The following ERC2 variants were observed in gnomAD, a reference collection of about 807,000 sequenced individuals.
ERC2 encodes ELKS/RAB6-interacting/CAST family member 2.
ERC2 carries 42 observed loss-of-function variants against 114.8 expected under a neutral mutation model. That is an observed-to-expected ratio of 0.37 (90% confidence interval 0.29 to 0.47). The LOEUF is 0.47. Ranked by LOEUF, ERC2 falls within the 20% of genes least tolerant of loss-of-function variation. The pLI, the probability that ERC2 is intolerant of heterozygous loss-of-function variation, is 0.99. For synonymous variants in ERC2, 454 were observed against 425.5 expected (o/e 1.07, Z -0.82); for missense variants, 939 against 1,150.7 (o/e 0.82, Z 2.66).
intron 3 of ERC2, among the ~76,000 whole-genome samples, chr3:56,198,730 A>G (rs1359468127): frequency 1.3e-5 from 2 of 152,228 alleles, no homozygotes; most frequent in Admixed American, 6.5e-5. Flanking sequence ...CCCAGTTGGC[A>G]GTGGGAGCGT....
At chr3:55,641,418 C>T (rs771398779) in intron 17 of ERC2, among the ~76,000 whole-genome samples, 35 of 151,788 alleles carry the variant, frequency 2.3e-4, no homozygotes, top group African/African-American at 7.3e-4. Context: ...GGCATGGTGG[C>T]GTGCACCTGT....
intron 12 of ERC2, among the ~76,000 whole-genome samples, chr3:55,967,354 C>A (rs1213467584): frequency 6.6e-6 from 1 of 152,064 alleles, no homozygotes; most frequent in Non-Finnish European, 1.5e-5. Context: ...CATTAAGATT[C>A]AAGATAAAGC....
chr3:56,335,824 C>T (rs1234994540), intron 2 of ERC2, among the ~76,000 whole-genome samples: 3 of 151,976 alleles, frequency 2.0e-5, no homozygotes, highest in Non-Finnish European at 4.4e-5. Flanking sequence ...ATTCACTCAT[C>T]GGCTGAATGA....
intron 5 of ERC2, among the ~76,000 whole-genome samples, chr3:56,142,814 C>CT (rs2080934863): frequency 6.7e-6 from 1 of 149,780 alleles, no homozygotes; most frequent in Admixed American, 6.6e-5. Context: ...GATTTTTCTC[C>CT]TTTTTTTGGT....
At chr3:55,769,890 A>G (rs1290497344) in intron 14 of ERC2, among the ~76,000 whole-genome samples, 4 of 152,300 alleles carry the variant, frequency 2.6e-5, no homozygotes, top group Admixed American at 2.6e-4. Flanking sequence ...GTGGCAGATC[A>G]TGTTGTCATT....
chr3:56,028,764 C>T (rs1251819736), intron 7 of ERC2, among the ~76,000 whole-genome samples: 1 of 151,992 alleles, frequency 6.6e-6, no homozygotes, highest in East Asian at 1.9e-4. Flanking sequence ...TCTATGTGGA[C>T]AACAATGTCA....
intron 15 of ERC2, among the ~76,000 whole-genome samples, chr3:55,713,693 C>G (rs2063917736): frequency 6.6e-6 from 1 of 152,178 alleles, no homozygotes; most frequent in South Asian, 2.1e-4. Flanking sequence ...TAATTAGTTC[C>G]TTGTACATGC....
intron 17 of ERC2, among the ~76,000 whole-genome samples, chr3:55,560,761 G>A (rs2055959079): frequency 6.6e-6 from 1 of 152,174 alleles, no homozygotes; most frequent in Admixed American, 6.5e-5. Context: ...ACAACAAGAG[G>A]TAACTGGATA....
intron 3 of ERC2, among the ~76,000 whole-genome samples, chr3:56,191,378 C>G (rs1389663761): frequency 3.3e-5 from 5 of 152,162 alleles, no homozygotes; most frequent in Admixed American, 2.0e-4. Context: ...ATGCAGCATA[C>G]CCTCTGGCAC....
intron 3 of ERC2, among the ~76,000 whole-genome samples, chr3:56,287,661 A>G (rs1479696320): frequency 6.6e-6 from 1 of 152,208 alleles, no homozygotes; most frequent in Non-Finnish European, 1.5e-5. Context: ...GAAGACCAGA[A>G]TCCTAGTCTG....
rs548188827 is a variant in ERC2, at chr3:55,603,672, C to T, written c.*39+80122G>A. Among the ~76,000 whole-genome samples, 308 of 150,322 alleles carry T rather than the reference C, an allele frequency of 2.0e-3. 3 individuals are homozygous for T. Among genetic ancestry groups the T allele is most frequent in the African/African-American group, 7.1e-3 (291 of 41,038 alleles). On this transcript the variant is annotated intron_variant, in intron 17 of 17. Transcript: ENST00000288221. ...AAAAAAAAAAAAAAAAGCCCTTTGCCTCAAATCCAATTCATTTTTTGAAAC... is the reference window on the plus strand; with the variant it reads ...AAAAAAAAAAAAAAAAGCCCTTTGCTTCAAATCCAATTCATTTTTTGAAAC...
At chr3:56,080,772 A>C (rs958133293) in intron 7 of ERC2, 45 bp downstream of exon 7, 1 of 1,576,318 alleles carries the variant, frequency 6.3e-7, no homozygotes, top group South Asian at 1.2e-5. Context: ...AAAATGACAA[A>C]ACATGGATGA....
chr3:55,712,853 C>T (rs906244784), intron 15 of ERC2, among the ~76,000 whole-genome samples: 9 of 152,152 alleles, frequency 5.9e-5, no homozygotes, highest in African/African-American at 2.2e-4. Flanking sequence ...CCCACTTCTC[C>T]TAGTCCTCTC....
chr3:55,814,762 T>C (rs2149135768), intron 14 of ERC2, among the ~76,000 whole-genome samples: 1 of 152,332 alleles, frequency 6.6e-6, no homozygotes, highest in African/African-American at 2.4e-5. Flanking sequence ...TGAAAGCATT[T>C]TTCCTGACCC....
chr3:56,465,887 G>A (rs1045921772), intron 1 of ERC2, among the ~76,000 whole-genome samples: 4 of 152,364 alleles, frequency 2.6e-5, no homozygotes, highest in African/African-American at 7.2e-5. Flanking sequence ...TTAGCTCTAC[G>A]TATGCTGGGA....
chr3:55,606,044 GC>G (rs1234545161), intron 17 of ERC2, among the ~76,000 whole-genome samples: 1 of 152,234 alleles, frequency 6.6e-6, no homozygotes, highest in African/African-American at 2.4e-5. Flanking sequence ...TAAGGCCAAT[GC>G]CCTATGGTCT....
At chr3:56,410,240 C>T (rs555892716) in intron 2 of ERC2, among the ~76,000 whole-genome samples, 4 of 152,004 alleles carry the variant, frequency 2.6e-5, no homozygotes, top group Admixed American at 2.6e-4. Context: ...AATTTATGTC[C>T]CTGTGATATA....
chr3:55,668,686 C>T (rs903012462), intron 17 of ERC2, among the ~76,000 whole-genome samples: 1 of 152,192 alleles, frequency 6.6e-6, no homozygotes, highest in African/African-American at 2.4e-5. Flanking sequence ...TCAATGCCAG[C>T]CTGTTGAATC....
At chr3:56,120,083 C>A (rs773073255) in intron 6 of ERC2, among the ~76,000 whole-genome samples, 8 of 152,076 alleles carry the variant, frequency 5.3e-5, no homozygotes, top group Non-Finnish European at 1.2e-4. Context: ...TTTTGTTTGG[C>A]CTGCACACTA....
Sources: allele counts gnomAD v4.1 joint callset (sites outside exome capture counted in the v4.1 genomes callset), GRCh38; gene constraint gnomAD v4.1.1; transcripts MANE v1.5; gene names NCBI Gene and HGNC (gene_info 2026-07-23, HGNC 2026-07-21).